Variants in EMC1 observed in about 807,000 individuals in gnomAD.
EMC1 encodes the protein ER membrane protein complex subunit 1.
In EMC1, 103 loss-of-function variants were observed where a neutral mutation model predicts 128.8. The ratio of observed to expected loss-of-function variants is 0.80; its 90% CI spans 0.68 to 0.94. EMC1 has a LOEUF of 0.94. Among genes scored for constraint, EMC1 ranks in the 40% least tolerant of loss-of-function variants. The probability of loss-of-function intolerance (pLI) is 0.00; values close to 1 mark genes in which losing one functional copy is unlikely to be tolerated. For synonymous variants in EMC1, 442 were observed against 490.4 expected, an observed-to-expected ratio of 0.90 and a Z score of 1.30; for missense variants, 1,083 against 1,250.6, an observed-to-expected ratio of 0.87 and a Z score of 2.02.
Position 19,241,057 on chromosome 1 carries a change from T to A in EMC1, c.595A>T (p.Ile199Phe). The A allele has an allele frequency of 6.2e-7, 1 of 1,614,126 alleles. No individual in the cohort carries two copies. The highest frequency in any genetic ancestry group is 8.5e-7 in the Non-Finnish European group (1 of 1,180,028). The change falls in exon 6 of 23, where the codon ATT becomes TTT. Residue 199 changes from isoleucine to phenylalanine, a missense_variant. Transcript: ENST00000477853. ...CCATCTTCCACATTAAACTTGACAA[T>A]GTTCACATGGCTGAAGGGAACAACT... Reference protein sequence around the residue: ...LGVVPFSHVNIVKFNVEDGEI... With the variant: ...LGVVPFSHVNFVKFNVEDGEI...
chr1:19,239,144 A>G, intron 9 of EMC1, 87 bp downstream of exon 9: 2 of 1,279,950 alleles, frequency 1.6e-6, no homozygotes, highest in Non-Finnish European at 2.3e-6. Flanking sequence ...TGACCAGGTC[A>G]ATGTGCCCAG....
At chr1:19,227,807 A>G (rs2093487820) in intron 17 of EMC1, among the ~76,000 whole-genome samples, 1 of 152,180 alleles carries the variant, frequency 6.6e-6, no homozygotes, top group Non-Finnish European at 1.5e-5. Flanking sequence ...ACGCCACTGC[A>G]CTCCAGCCTG....
At chr1:19,239,690 C>T (rs2093591892) in intron 8 of EMC1, 128 bp downstream of exon 8, 1 of 934,640 alleles carries the variant, frequency 1.1e-6, no homozygotes, top group East Asian at 2.5e-5. Flanking sequence ...TCTCAAACCA[C>T]TTACGGGAAG....
rs776468170 is a variant in EMC1, at chr1:19,222,698, T to C, written c.2513A>G (p.Tyr838Cys). 17 of 1,613,958 alleles carry C rather than the reference T, an allele frequency of 1.1e-5. No individual in the cohort carries two copies. The highest frequency in any genetic ancestry group is 1.6e-4 in the Middle Eastern group (1 of 6,084). ...GGCACTGATGGAGGACGGGAAGATA[T>C]AGGACTGCTGGAGGACCTGGGGCAG... ...PQLPQVLQQS[Y>C]IFPSSISAME... is the part of the protein sequence containing the mutation. Residue 838 changes from tyrosine (Y) to cysteine (C), a missense_variant, in exon 20 of 23, where the codon TAT becomes TGT. Coordinates refer to ENST00000477853, the MANE Select transcript of EMC1 (RefSeq NM_015047.3).
Position 19,239,357 on chromosome 1 carries a change from C to T in EMC1, c.955-55G>A, listed in dbSNP as rs1308546918. The stretch of plus-strand genomic sequence containing the variant: ...AATGGGACCAGTACTAGCCAGCTGC[C>T]TTACAGAGGGTCACCTCTCCAGGGA... On this transcript the variant is annotated intron_variant, in intron 8 of 22. Transcript: ENST00000477853. 4.0e-6 allele frequency: 6 copies of T among 1,507,168 alleles called. No individual in the cohort carries two copies. The East Asian group carries it at 1.4e-4, about 34-fold the overall frequency. The allele number at this position is 1,507,168 out of a possible 1,614,324, so 93.4% of individuals were successfully genotyped here. A position where few individuals can be genotyped will look rare whatever the true frequency, so the allele number is the denominator to read the frequency against.
At chr1:19,249,839 AAC>A (rs1460086830) in intron 1 of EMC1, among the ~76,000 whole-genome samples, 1 of 152,120 alleles carries the variant, frequency 6.6e-6, no homozygotes, top group Non-Finnish European at 1.5e-5. Flanking sequence ...GGGTCACTTG[AAC>A]CTGCAAGGTC....
chr1:19,246,518 C>G (rs1314519614), intron 1 of EMC1, among the ~76,000 whole-genome samples: 1 of 152,134 alleles, frequency 6.6e-6, no homozygotes, highest in African/African-American at 2.4e-5. Flanking sequence ...CACGGTGGCT[C>G]ACACCTGTAA....
chr1:19,243,577 T>C, intron 4 of EMC1, 37 bp downstream of exon 4: 4 of 1,570,914 alleles, frequency 2.5e-6, no homozygotes, highest in Non-Finnish European at 3.5e-6. Context: ...GGTGAAGCCT[T>C]TAACTCAGTC....
At chr1:19,234,061 C>A in intron 13 of EMC1, 3 of 340,608 alleles carry the variant, frequency 8.8e-6, no homozygotes, top group Non-Finnish European at 1.2e-5. Context: ...AGTCAACACA[C>A]ACACACACAC....
chr1:19,234,790 G>A (rs1224794575), intron 13 of EMC1, among the ~76,000 whole-genome samples: 2 of 151,924 alleles, frequency 1.3e-5, no homozygotes, highest in Non-Finnish European at 2.9e-5. Context: ...AGGTTGCAGT[G>A]AGCCAAGATC....
chr1:19,221,438 C>A (rs2093430488), intron 20 of EMC1: 1 of 151,918 alleles, frequency 6.6e-6, no homozygotes, highest in Non-Finnish European at 1.5e-5. Flanking sequence ...GAGATTGAGA[C>A]CATCCTGGCC....
At chr1:19,247,663 T>G (rs1418178631) in intron 1 of EMC1, among the ~76,000 whole-genome samples, 2 of 152,252 alleles carry the variant, frequency 1.3e-5, no homozygotes, top group Non-Finnish European at 2.9e-5. Context: ...CTACTTTTTA[T>G]GGTTAGAGTA....
At chr1:19,222,093 A>G (rs766097878) in intron 20 of EMC1, among the ~76,000 whole-genome samples, 3 of 152,104 alleles carry the variant, frequency 2.0e-5, no homozygotes, top group Non-Finnish European at 4.4e-5. Context: ...TATGTTAACA[A>G]TGCTATCAGG....
At chr1:19,240,072 C>T (rs1333945338) in intron 7 of EMC1, 87 bp from the exon 8 acceptor site, 18 of 1,402,962 alleles carry the variant, frequency 1.3e-5, no homozygotes, top group South Asian at 2.8e-5. Context: ...CCTACTTTGC[C>T]GGGGGAAGTA....
intron 12 of EMC1, 152 bp from the exon 13 acceptor site, chr1:19,235,404 C>T (rs1448391692): frequency 1.3e-5 from 10 of 760,962 alleles, no homozygotes; most frequent in Non-Finnish European, 2.0e-5. Flanking sequence ...CTTATCTCAA[C>T]AAAAAATAAA....
At chr1:19,222,426 A>G (rs371981653) in intron 20 of EMC1, among the ~76,000 whole-genome samples, 198 bp downstream of exon 20, 28 of 152,266 alleles carry the variant, frequency 1.8e-4, no homozygotes, top group Middle Eastern at 3.4e-3. Context: ...AAAAGATGAG[A>G]ACTGAGAGAG....
At chr1:19,235,352 G>A in intron 12 of EMC1, 100 bp from the exon 13 acceptor site, 1 of 1,303,104 alleles carries the variant, frequency 7.7e-7, no homozygotes, top group Non-Finnish European at 1.0e-6. Context: ...TGAATCTCTT[G>A]AGCCCAGGAA....
At chr1:19,249,690 C>T (rs1221896251) in intron 1 of EMC1, among the ~76,000 whole-genome samples, 1 of 152,008 alleles carries the variant, frequency 6.6e-6, no homozygotes, top group African/African-American at 2.4e-5. Flanking sequence ...TTTGGGAGGC[C>T]GAGGCAGCCA....
chr1:19,233,582 T>C (rs1424797540), intron 13 of EMC1, among the ~76,000 whole-genome samples: 1 of 152,214 alleles, frequency 6.6e-6, no homozygotes, highest in Non-Finnish European at 1.5e-5. Flanking sequence ...ATTGCTTCAT[T>C]CCTACTTTGT....
Sources: gnomAD v4.1 joint callset for allele counts (sites outside exome capture counted in the v4.1 genomes callset) on GRCh38, gnomAD v4.1.1 for gene constraint, MANE v1.5 for transcripts, NCBI Gene and HGNC (gene_info 2026-07-23, HGNC 2026-07-21) for gene names.